RANBP17: variants seen among roughly 807,000 people sequenced by gnomAD.
The protein encoded by RANBP17 is RAN binding protein 17.
RANBP17 carries 158 observed loss-of-function variants against 141.2 expected under a neutral mutation model. The ratio of observed to expected loss-of-function variants is 1.12; its 90% CI spans 0.98 to 1.28. RANBP17 has a LOEUF of 1.28. Among genes scored for constraint, RANBP17 ranks in the 50% most tolerant of loss-of-function variants. RANBP17 has a pLI of 0.00. For missense variants in RANBP17, 1,438 were observed against 1,290.7 expected (o/e 1.11, Z -1.75); for synonymous variants, 430 against 450.0 (o/e 0.96, Z 0.56).
chr5:170,904,079 G>C lies in RANBP17; in HGVS notation c.490-5582G>C, dbSNP rs1770883933. On this transcript the variant is annotated intron_variant, in intron 5 of 27. Coordinates refer to ENST00000523189, the MANE Select transcript of RANBP17 (RefSeq NM_022897.5). ...AACATAGTCTTTACCTCACCTGTGT[G>C]CTCATGGTTAGAGGAAATGTACAGA... The C allele has an allele frequency of 1.1e-5, 5 of 441,626 alleles. No homozygotes were observed. The Admixed American group carries it at 1.3e-4, about 12-fold the overall frequency. 27.4% of individuals were successfully genotyped at this position (441,626 alleles called of 1,614,324 possible).
intron 12 of RANBP17, among the ~76,000 whole-genome samples, chr5:170,936,147 C>T (rs1284196693): frequency 1.3e-5 from 2 of 152,166 alleles, no homozygotes; most frequent in East Asian, 1.9e-4. Context: ...ATTGGAAAAG[C>T]GCAGTATTAG....
chr5:170,933,928 G>T (rs1773630527), intron 12 of RANBP17, among the ~76,000 whole-genome samples: 1 of 152,124 alleles, frequency 6.6e-6, no homozygotes, highest in East Asian at 1.9e-4. Flanking sequence ...TGTCTATTAG[G>T]TCTGCTTGGT....
intron 14 of RANBP17, among the ~76,000 whole-genome samples, chr5:171,162,447 G>T (rs1008934415): frequency 3.9e-5 from 6 of 152,130 alleles, no homozygotes; most frequent in African/African-American, 1.2e-4. Flanking sequence ...TCCTTAGTCA[G>T]TGGCTCCCTG....
chr5:171,200,710 AAACT>A (rs1354316210), intron 19 of RANBP17, among the ~76,000 whole-genome samples: 1 of 152,194 alleles, frequency 6.6e-6, no homozygotes, highest in Non-Finnish European at 1.5e-5. Flanking sequence ...AAAAACAAAA[AAACT>A]AACAGTAAGA....
At chr5:170,934,974 T>C (rs1247760925) in intron 12 of RANBP17, among the ~76,000 whole-genome samples, 1 of 152,202 alleles carries the variant, frequency 6.6e-6, no homozygotes, top group Non-Finnish European at 1.5e-5. Context: ...TTTCATGTAG[T>C]CCCATATTTC....
chr5:170,994,640 A>AT (rs1233887229), intron 14 of RANBP17, among the ~76,000 whole-genome samples: 1 of 152,064 alleles, frequency 6.6e-6, no homozygotes, highest in East Asian at 1.9e-4. Flanking sequence ...TTTAGATCTT[A>AT]AAGAATTTGG....
chr5:171,095,565 TA>T (rs1786629242), intron 14 of RANBP17, among the ~76,000 whole-genome samples: 1 of 152,206 alleles, frequency 6.6e-6, no homozygotes, highest in African/African-American at 2.4e-5. Context: ...TTGATGCTGA[TA>T]AACAAATGAA....
chr5:171,100,449 C>A (rs1787066556), intron 14 of RANBP17, among the ~76,000 whole-genome samples: 1 of 151,876 alleles, frequency 6.6e-6, no homozygotes, highest in Admixed American at 6.6e-5. Context: ...TGGTGATATC[C>A]CCTTTATCAT....
intron 14 of RANBP17, among the ~76,000 whole-genome samples, chr5:171,011,737 C>T (rs1227664283): frequency 6.6e-5 from 10 of 151,632 alleles, no homozygotes; most frequent in Admixed American, 2.6e-4. Flanking sequence ...CATACACAAA[C>T]GCAATACTAT....
intron 24 of RANBP17, among the ~76,000 whole-genome samples, chr5:171,257,621 CCTT>C (rs1384423544): frequency 1.3e-5 from 2 of 152,124 alleles, no homozygotes; most frequent in Admixed American, 6.5e-5. Flanking sequence ...GTCAAATTGT[CCTT>C]CTTTGCTGAT....
At chr5:171,140,832 T>G (rs138464294) in intron 14 of RANBP17, among the ~76,000 whole-genome samples, 30 of 152,330 alleles carry the variant, frequency 2.0e-4, no homozygotes, top group African/African-American at 7.0e-4. Flanking sequence ...ATCCTACTCT[T>G]ACATTACTGT....
chr5:171,000,830 G>A (rs1779153448), intron 14 of RANBP17, among the ~76,000 whole-genome samples: 1 of 152,078 alleles, frequency 6.6e-6, no homozygotes, highest in Non-Finnish European at 1.5e-5. Context: ...AGGATGGGGA[G>A]AATTACAAAG....
intron 12 of RANBP17, among the ~76,000 whole-genome samples, chr5:170,944,800 C>G (rs1774617557): frequency 1.3e-5 from 2 of 152,162 alleles, no homozygotes; most frequent in South Asian, 4.1e-4. Flanking sequence ...CACATGCTAT[C>G]TTTGCACAGC....
At chr5:171,290,026 T>C (rs911822380) in intron 25 of RANBP17, among the ~76,000 whole-genome samples, 1 of 151,558 alleles carries the variant, frequency 6.6e-6, no homozygotes, top group African/African-American at 2.4e-5. Context: ...ACAGGTGAAA[T>C]CCTGTCTCAA....
rs116702493 is a variant in RANBP17 at position 171,213,219 on chromosome 5, G to A, written c.2232-412G>A. 1.7e-3 allele frequency among the ~76,000 whole-genome samples: 266 copies of A among 152,002 alleles called. 1 individual carries two copies. Among genetic ancestry groups the A allele is most frequent in the African/African-American group, 5.6e-3 (234 of 41,478 alleles). On this transcript the variant is annotated intron_variant, in intron 20 of 27. Coordinates refer to ENST00000523189, the MANE Select transcript of RANBP17 (RefSeq NM_022897.5). Reference sequence around the variant, plus strand: ...CATAATAAAAATATTTTTCTAAGTAGTATAGTACCCAAGAAACTGATAATA... The same window carrying A: ...CATAATAAAAATATTTTTCTAAGTAATATAGTACCCAAGAAACTGATAATA...
intron 14 of RANBP17, among the ~76,000 whole-genome samples, chr5:171,079,045 G>A (rs960920610): frequency 6.6e-6 from 1 of 152,124 alleles, no homozygotes; most frequent in African/African-American, 2.4e-5. Context: ...TCACCATTCT[G>A]GATACCACTA....
chr5:170,920,544 CTG>C (rs373856784), intron 11 of RANBP17, among the ~76,000 whole-genome samples: 106 of 149,284 alleles, frequency 7.1e-4, no homozygotes, highest in African/African-American at 2.5e-3. Context: ...TTTGAGCAGT[CTG>C]TGTATTTTCT....
intron 12 of RANBP17, among the ~76,000 whole-genome samples, chr5:170,941,597 C>A (rs1467910802): frequency 1.3e-5 from 2 of 152,044 alleles, no homozygotes; most frequent in Non-Finnish European, 2.9e-5. Context: ...TCTTACAAAT[C>A]AGTAAAATAA....
chr5:170,998,932 T>A (rs528798997), intron 14 of RANBP17, among the ~76,000 whole-genome samples: 26 of 152,246 alleles, frequency 1.7e-4, no homozygotes, highest in Middle Eastern at 3.4e-3. Flanking sequence ...CGTGTTATTT[T>A]ATATTTATAT....
Sources: allele counts gnomAD v4.1 joint callset (sites outside exome capture counted in the v4.1 genomes callset), GRCh38; gene constraint gnomAD v4.1.1; transcripts MANE v1.5; gene names NCBI Gene and HGNC (gene_info 2026-07-23, HGNC 2026-07-21).